The following CDH15 variants were observed in gnomAD, a reference collection of about 807,000 sequenced individuals.
CDH15 encodes the protein cadherin 15, also known as cadherin-15.
A neutral mutation model predicts 69.4 loss-of-function variants in CDH15; 73 were observed. The observed-to-expected ratio is 1.05, with a 90% CI of 0.87 to 1.28. The LOEUF (loss-of-function observed/expected upper bound fraction) is 1.28. Among genes scored for constraint, CDH15 ranks in the 50% most tolerant of loss-of-function variants. The pLI is 0.00. For synonymous variants in CDH15, 624 were observed against 507.7 expected, an observed-to-expected ratio of 1.23 and a Z score of -3.08; for missense variants, 1,343 against 1,133.6, an observed-to-expected ratio of 1.18 and a Z score of -2.65.
At chr16:89,193,973 CACATGT>C in intron 13 of CDH15, 60 bp downstream of exon 13, 8 of 1,552,594 alleles carry the variant, frequency 5.2e-6, no homozygotes, top group Non-Finnish European at 6.2e-6. Flanking sequence ...CACACACATG[CACATGT>C]ACACACCTGC....
At chr16:89,185,788 C>T (rs1352643482) in intron 5 of CDH15, 2 of 256,480 alleles carry the variant, frequency 7.8e-6, no homozygotes, top group South Asian at 4.2e-5. Context: ...CCACTAACCA[C>T]GGTTCCCCAG....
At chr16:89,192,112 T>C in intron 10 of CDH15, 93 bp from the exon 11 acceptor site, 1 of 1,425,740 alleles carries the variant, frequency 7.0e-7, no homozygotes, top group Non-Finnish European at 9.3e-7. Context: ...AGGCCCAGGA[T>C]CTCGGGATCC....
Position 89,195,296 on chromosome 16 carries a change from C to G in CDH15, c.*141C>G. ...GTAGGCGAGGGCCCAAGTCTGGGGG[C>G]AGAACCTGAGTGTGGATGGGGCGGC... On this transcript the variant is annotated 3_prime_UTR_variant, in exon 14 of 14. Transcript: ENST00000289746. 2.2e-6 allele frequency: 2 copies of G among 889,030 alleles called. No homozygotes were observed. The highest frequency in any genetic ancestry group is 3.3e-6 in the Non-Finnish European group (2 of 602,464). 55.1% of individuals were successfully genotyped at this position (889,030 alleles called of 1,614,324 possible). A position where few individuals can be genotyped will look rare whatever the true frequency, so the allele number is the denominator to read the frequency against.
At chr16:89,180,987 T>TTTTTTTTGG (rs1567771866) in intron 3 of CDH15, among the ~76,000 whole-genome samples, 1 of 149,784 alleles carries the variant, frequency 6.7e-6, no homozygotes. Flanking sequence ...TTTTTTTTTT[T>TTTTTTTTGG]GAGATGGAGC....
At chr16:89,190,601 C>A in intron 8 of CDH15, 105 bp downstream of exon 8, 1 of 1,399,790 alleles carries the variant, frequency 7.1e-7, no homozygotes, top group Non-Finnish European at 9.8e-7. Context: ...GTGTAGGGGC[C>A]ATTTGCTGTG....
In CDH15 at chr16:89,187,635, C is replaced by T. The variant is rs931853348; in HGVS notation, c.792+78C>T. On this transcript the variant is annotated intron_variant, in intron 6 of 13. Coordinates refer to ENST00000289746, the MANE Select transcript of CDH15 (RefSeq NM_004933.3). Reference sequence around the variant, plus strand: ...CTTCTTGGGCTCCTGCAGAAGGCAGCGGGCTTCATGATGGGGCAGGAGGAT... The same window carrying T: ...CTTCTTGGGCTCCTGCAGAAGGCAGTGGGCTTCATGATGGGGCAGGAGGAT... The T allele has an allele frequency of 3.0e-5, 47 of 1,577,696 alleles. No homozygotes were observed. In the East Asian group the frequency reaches 7.0e-4, roughly 23 times the overall value.
chr16:89,171,776 G>C lies in CDH15; in HGVS notation c.-56G>C. ...GCGCACTTGCGCTGTCACTCAGCCT[G>C]GACGCGCTTCTTCGGGTCGCGGGTG... On this transcript the variant is annotated 5_prime_UTR_variant, in exon 1 of 14. Transcript: ENST00000289746. 1.3e-6 allele frequency: 2 copies of C among 1,521,880 alleles called. No individual in the cohort carries two copies. Among genetic ancestry groups the C allele is most frequent in the Non-Finnish European group, 1.8e-6 (2 of 1,133,378 alleles). The allele number at this position is 1,521,880 out of a possible 1,614,324, so 94.3% of individuals were successfully genotyped here.
Position 89,190,433 on chromosome 16 carries a change from C to T in CDH15, c.1169C>T (p.Pro390Leu), listed in dbSNP as rs1915613080. Residue 390 changes from proline to leucine, a missense_variant, in exon 8 of 14, where the codon CCA becomes CTA. Transcript: ENST00000289746. ...LRTSLAEGAPPGTLVATFSAR... is the reference protein window; with the variant it reads ...LRTSLAEGAPLGTLVATFSAR... Reference sequence around the variant, plus strand: ...ACCAGCCTAGCAGAGGGGGCACCCCCAGGCACTCTGGTGGCCACCTTCTCT... The same window carrying T: ...ACCAGCCTAGCAGAGGGGGCACCCCTAGGCACTCTGGTGGCCACCTTCTCT... 6.2e-7 allele frequency: 1 copy of T among 1,609,584 alleles called. No individual in the cohort carries two copies. The highest frequency in any genetic ancestry group is 1.1e-5 in the South Asian group (1 of 90,154).
At chr16:89,183,008 T>G (rs1434507802) in intron 3 of CDH15, 3 of 155,524 alleles carry the variant, frequency 1.9e-5, no homozygotes, top group Non-Finnish European at 2.9e-5. Context: ...TGATGAAACC[T>G]CATTTCTACT....
chr16:89,184,235 G>A (rs550937407), intron 4 of CDH15, among the ~76,000 whole-genome samples: 32 of 152,272 alleles, frequency 2.1e-4, no homozygotes, highest in African/African-American at 7.2e-4. Context: ...TTTCCTTCCC[G>A]TGTCTGTGGC....
rs899728480 is a variant in CDH15 at position 89,195,040 on chromosome 16, C to T, written c.2330C>T (p.Ala777Val). The T allele has an allele frequency of 2.5e-6, 4 of 1,612,574 alleles. No homozygotes were observed. Among genetic ancestry groups the T allele is most frequent in the East Asian group, 2.2e-5 (1 of 44,886 alleles). Residue 777 changes from alanine to valine, a missense_variant, in exon 14 of 14, where the codon GCA becomes GTA. Coordinates refer to ENST00000289746, the MANE Select transcript of CDH15 (RefSeq NM_004933.3). ...RDWGPRFARL[A>V]DMYGHPCGLE... is the part of the protein sequence containing the mutation. ...TGGGGGCCCCGCTTCGCCCGGCTGGCAGACATGTATGGGCACCCGTGCGGG... is the reference window on the plus strand; with the variant it reads ...TGGGGGCCCCGCTTCGCCCGGCTGGTAGACATGTATGGGCACCCGTGCGGG...
chr16:89,177,908 C>A (rs971731198), intron 1 of CDH15, among the ~76,000 whole-genome samples: 2 of 152,104 alleles, frequency 1.3e-5, no homozygotes, highest in African/African-American at 4.8e-5. Flanking sequence ...GTCCCAAGCA[C>A]AGGTGTCCTG....
At chr16:89,176,282 G>A (rs1205203639) in intron 1 of CDH15, among the ~76,000 whole-genome samples, 1 of 152,242 alleles carries the variant, frequency 6.6e-6, no homozygotes, top group Non-Finnish European at 1.5e-5. Context: ...AGGCGGCACT[G>A]GAGGGTGAGG....
chr16:89,191,565 G>A (rs368927460), intron 9 of CDH15, 90 bp from the exon 10 acceptor site: 177 of 1,582,070 alleles, frequency 1.1e-4, no homozygotes, highest in African/African-American at 2.7e-4. Context: ...CATGTCGCCC[G>A]GGGGCTCAGA....
chr16:89,182,077 G>A (rs908135261), intron 3 of CDH15, among the ~76,000 whole-genome samples: 18 of 139,328 alleles, frequency 1.3e-4, no homozygotes, highest in African/African-American at 3.7e-4. Context: ...CCCTTCAGGC[G>A]CCTGCCCTCC....
At chr16:89,175,602 G>A (rs1045197155) in intron 1 of CDH15, among the ~76,000 whole-genome samples, 7 of 152,218 alleles carry the variant, frequency 4.6e-5, no homozygotes, top group Admixed American at 1.3e-4. Flanking sequence ...GCCCAGCCAC[G>A]GCCGGAAACA....
intron 7 of CDH15, among the ~76,000 whole-genome samples, chr16:89,189,527 C>T (rs1915591724): frequency 1.3e-5 from 2 of 152,246 alleles, no homozygotes; most frequent in African/African-American, 4.8e-5. Flanking sequence ...AGCCCCCCAG[C>T]CTGAGGACTG....
chr16:89,184,176 G>T (rs1334258833), intron 4 of CDH15, among the ~76,000 whole-genome samples: 1 of 152,206 alleles, frequency 6.6e-6, no homozygotes, highest in African/African-American at 2.4e-5. Flanking sequence ...CAAGGACTGT[G>T]GCCAGGCCTG....
chr16:89,182,443 A>C (rs7404994), intron 3 of CDH15, among the ~76,000 whole-genome samples: 61,356 of 149,718 alleles, frequency 0.41, 12,999 homozygotes, highest in East Asian at 0.67. Context: ...GAGTTTGAGA[A>C]CAGTCTGGCC....
Sources: allele counts gnomAD v4.1 joint callset (sites outside exome capture counted in the v4.1 genomes callset), GRCh38; gene constraint gnomAD v4.1.1; transcripts MANE v1.5; gene names NCBI Gene and HGNC (gene_info 2026-07-23, HGNC 2026-07-21).